The following HDLBP variants were observed in gnomAD, a reference collection of about 807,000 sequenced individuals.
HDLBP encodes high density lipoprotein binding protein.
Under a neutral mutation model 137.3 loss-of-function variants are expected in HDLBP, and 30 were observed. The ratio of observed to expected loss-of-function variants is 0.22; its 90% CI spans 0.16 to 0.30. HDLBP has a LOEUF of 0.30. HDLBP is among the 10% of genes least tolerant of loss of function. The pLI, the probability that HDLBP is intolerant of heterozygous loss-of-function variation, is 1.00. For synonymous variants in HDLBP, 606 were observed against 596.0 expected (o/e 1.02, Z -0.24); for missense variants, 1,119 against 1,667.3 (o/e 0.67, Z 5.73).
intron 1 of HDLBP, among the ~76,000 whole-genome samples, chr2:241,280,606 A>G (rs1251141473): frequency 6.6e-6 from 1 of 152,220 alleles, no homozygotes; most frequent in Non-Finnish European, 1.5e-5. Context: ...GAAAATACGT[A>G]ACTTGTGTTT....
chr2:241,262,950 G>T lies in HDLBP; in HGVS notation c.235-24C>A, dbSNP rs369992394. The T allele has an allele frequency of 1.8e-5, 28 of 1,575,544 alleles. No individual in the cohort carries two copies. In the African/African-American group the frequency reaches 3.4e-4, roughly 19 times the overall value. On this transcript the variant is annotated intron_variant, in intron 4 of 27. Coordinates refer to ENST00000310931, the MANE Select transcript of HDLBP (RefSeq NM_005336.6). Reference sequence around the variant, plus strand: ...ACCTGCTCAAAAAAGATCAAAAAAGGAAAGGTTAAGAGATTAAAAGAAGGC... The same window carrying T: ...ACCTGCTCAAAAAAGATCAAAAAAGTAAAGGTTAAGAGATTAAAAGAAGGC...
rs926037635 is a variant in HDLBP, at chr2:241,228,438, G to C, written c.*1163C>G. On this transcript the variant is annotated 3_prime_UTR_variant, in exon 28 of 28. Transcript: ENST00000310931. Reference sequence around the variant, plus strand: ...AGACCGTGAAAACTGCCAGTCACCCGGGACCTGCTCCTAGGGGCTGGCCTG... The same window carrying C: ...AGACCGTGAAAACTGCCAGTCACCCCGGACCTGCTCCTAGGGGCTGGCCTG... 6.6e-6 allele frequency: 1 copy of C among 152,364 alleles called. No individual in the cohort carries two copies. The highest frequency in any genetic ancestry group is 1.5e-5 in the Non-Finnish European group (1 of 68,188). The allele number at this position is 152,364 out of a possible 1,614,324, so 9.4% of individuals were successfully genotyped here.
chr2:241,290,159 TAAGA>T (rs1575029622), intron 1 of HDLBP, among the ~76,000 whole-genome samples: 2 of 152,034 alleles, frequency 1.3e-5, no homozygotes, highest in East Asian at 1.9e-4. Context: ...TACCTTTCTG[TAAGA>T]AAGAGTCAGA....
Position 241,230,142 on chromosome 2 carries a change from C to G in HDLBP, c.3591+11G>C. 1 of 1,607,056 alleles carries G rather than the reference C, an allele frequency of 6.2e-7. No homozygotes were observed. The highest frequency in any genetic ancestry group is 8.5e-7 in the Non-Finnish European group (1 of 1,173,704). On this transcript the variant is annotated intron_variant, in intron 26 of 27. Transcript: ENST00000310931. This position sits in a 1 kb window ranked among gnomAD's most constrained non-coding sequence, Gnocchi z 5.0. ...GGGCGCCTCAGGGCTCCAAGGCCCA[C>G]AGAGACTCACGTATTCCTCCTCCAG...
intron 1 of HDLBP, among the ~76,000 whole-genome samples, chr2:241,288,456 G>A (rs992180791): frequency 6.6e-6 from 1 of 152,208 alleles, no homozygotes; most frequent in Non-Finnish European, 1.5e-5. Context: ...GGATCACTAA[G>A]AGTGAGCATG....
Position 241,239,561 on chromosome 2 carries a change from C to G in HDLBP, c.2610+41G>C. On this transcript the variant is annotated intron_variant, in intron 19 of 27. Coordinates refer to ENST00000310931, the MANE Select transcript of HDLBP (RefSeq NM_005336.6). This position sits in a 1 kb window ranked among gnomAD's most constrained non-coding sequence, Gnocchi z 4.6. ...CATACACGGCTTCGGTGAGTGGCCA[C>G]TGGGGGGTGAGAACCCCTCCCCGAG... The G allele has an allele frequency of 6.5e-7, 1 of 1,540,180 alleles. No individual in the cohort carries two copies. The highest frequency in any genetic ancestry group is 9.0e-7 in the Non-Finnish European group (1 of 1,114,352).
chr2:241,286,548 C>T (rs1463778753), intron 1 of HDLBP, among the ~76,000 whole-genome samples: 3 of 152,268 alleles, frequency 2.0e-5, no homozygotes, highest in East Asian at 3.9e-4. Context: ...CTCTCCAGAC[C>T]GAACCAATGT....
chr2:241,287,952 A>G (rs2074883776), intron 1 of HDLBP, among the ~76,000 whole-genome samples: 1 of 152,220 alleles, frequency 6.6e-6, no homozygotes, highest in Non-Finnish European at 1.5e-5. Context: ...AGGGAAGACC[A>G]TGAAAAATGG....
rs570826527 is a variant in HDLBP at position 241,258,852 on chromosome 2, G to A, written c.451-2046C>T. ...TAAAACCCAAGAATGTGAAGAGCCT[G>A]GCTCTTGCATACTGCTGATGAGACG... On this transcript the variant is annotated intron_variant, in intron 5 of 27. Coordinates refer to ENST00000310931, the MANE Select transcript of HDLBP (RefSeq NM_005336.6). Among the ~76,000 whole-genome samples, 12 of 152,262 alleles carry A rather than the reference G, an allele frequency of 7.9e-5. No homozygotes were observed. The South Asian group carries it at 2.5e-3, about 32-fold the overall frequency.
intron 16 of HDLBP, among the ~76,000 whole-genome samples, chr2:241,245,350 A>T (rs2071589509): frequency 6.6e-6 from 1 of 152,106 alleles, no homozygotes; most frequent in South Asian, 2.1e-4. Flanking sequence ...TTACTGGCTA[A>T]TTCTTTTTGT....
At chr2:241,304,159 C>A (rs2075490874) in intron 1 of HDLBP, among the ~76,000 whole-genome samples, 1 of 152,212 alleles carries the variant, frequency 6.6e-6, no homozygotes, top group Non-Finnish European at 1.5e-5. Context: ...TAGCAATCAA[C>A]ACTATGCTAT....
intron 1 of HDLBP, chr2:241,268,859 T>C (rs964015186): frequency 1.3e-5 from 2 of 152,200 alleles, no homozygotes; most frequent in Non-Finnish European, 2.9e-5. Flanking sequence ...ACAGAACCAC[T>C]GGTGCTCTCC....
chr2:241,295,440 G>A (rs527375875), intron 1 of HDLBP, among the ~76,000 whole-genome samples: 1 of 152,286 alleles, frequency 6.6e-6, no homozygotes, highest in African/African-American at 2.4e-5. Context: ...TAGTAACAGT[G>A]AAGGCAAGCT....
intron 1 of HDLBP, among the ~76,000 whole-genome samples, chr2:241,313,931 G>T (rs1193024758): frequency 6.6e-6 from 1 of 152,178 alleles, no homozygotes; most frequent in South Asian, 2.1e-4. Flanking sequence ...CTCCTGATAA[G>T]ATGAGCTAAG....
intron 1 of HDLBP, among the ~76,000 whole-genome samples, chr2:241,289,340 A>T (rs986692791): frequency 6.6e-6 from 1 of 152,034 alleles, no homozygotes; most frequent in Admixed American, 6.6e-5. Flanking sequence ...CTATCAGTCT[A>T]CTCTTCAGAG....
At chr2:241,283,751 G>C (rs897335217) in intron 1 of HDLBP, among the ~76,000 whole-genome samples, 1 of 152,202 alleles carries the variant, frequency 6.6e-6, no homozygotes, top group Non-Finnish European at 1.5e-5. Context: ...TGGGATTACA[G>C]GCGTGAGCTA....
At chr2:241,265,216 C>T (rs1241633290) in intron 3 of HDLBP, among the ~76,000 whole-genome samples, 2 of 152,128 alleles carry the variant, frequency 1.3e-5, no homozygotes, top group Admixed American at 6.5e-5. Flanking sequence ...GTCGGGAGTT[C>T]GAGACCAGCC....
chr2:241,273,063 G>C (rs983201477), intron 1 of HDLBP: 3 of 985,380 alleles, frequency 3.0e-6, no homozygotes, highest in Admixed American at 6.1e-5. Context: ...AGCGCGCCCC[G>C]CAAGAACCCG....
At chr2:241,242,774 C>G (rs761965489) in intron 16 of HDLBP, 96 bp from the exon 17 acceptor site, 2 of 1,101,468 alleles carry the variant, frequency 1.8e-6, no homozygotes, top group Non-Finnish European at 2.7e-6. Context: ...GTGATGAACA[C>G]GCAGGCCTAG....
Sources: allele counts gnomAD v4.1 joint callset (sites outside exome capture counted in the v4.1 genomes callset), GRCh38; gene constraint gnomAD v4.1.1; non-coding constraint Gnocchi (gnomAD v3.1); transcripts MANE v1.5; gene names NCBI Gene and HGNC (gene_info 2026-07-23, HGNC 2026-07-21).